Variants in CAMKMT observed in about 807,000 individuals in gnomAD.
CAMKMT encodes the protein CaM KMT.
In CAMKMT, 53 loss-of-function variants were observed where a neutral mutation model predicts 48.0. The ratio of observed to expected loss-of-function variants is 1.10; its 90% CI spans 0.89 to 1.39. The LOEUF (loss-of-function observed/expected upper bound fraction) is 1.39. CAMKMT is among the 40% of genes most tolerant of loss of function. The pLI is 0.00. For synonymous variants in CAMKMT, 165 were observed against 152.3 expected, an observed-to-expected ratio of 1.08 and a Z score of -0.61; for missense variants, 428 against 402.7, an observed-to-expected ratio of 1.06 and a Z score of -0.54.
In CAMKMT at chr2:44,386,509, T is replaced by G. The variant is rs549541612; in HGVS notation, c.312-3732T>G. Among the ~76,000 whole-genome samples the G allele has an allele frequency of 2.0e-5, 3 of 152,246 alleles. No homozygotes were observed. In the South Asian group the frequency reaches 6.2e-4, roughly 32 times the overall value. ...TGTATTTTGTTGTTGTTGTTTCAAT[T>G]TCATTTAGTTCTGCTCTGATCTTGG... On this transcript the variant is annotated intron_variant, in intron 2 of 10. Transcript: ENST00000378494.
intron 3 of CAMKMT, among the ~76,000 whole-genome samples, chr2:44,585,341 C>G (rs1009588050): frequency 2.0e-5 from 3 of 152,168 alleles, no homozygotes; most frequent in African/African-American, 7.2e-5. Context: ...ATTTAGGAAG[C>G]AATTCAGCTG....
intron 7 of CAMKMT, among the ~76,000 whole-genome samples, chr2:44,720,689 T>G (rs1240581242): frequency 6.6e-6 from 1 of 152,176 alleles, no homozygotes; most frequent in East Asian, 1.9e-4. Context: ...TTTGCAAGTG[T>G]GTCTACACAA....
chr2:44,660,427 G>A (rs1205134011), intron 3 of CAMKMT, among the ~76,000 whole-genome samples: 1 of 152,176 alleles, frequency 6.6e-6, no homozygotes, highest in African/African-American at 2.4e-5. Flanking sequence ...GATAGGCAAT[G>A]CATATTGCAA....
intron 3 of CAMKMT, among the ~76,000 whole-genome samples, chr2:44,574,165 A>G (rs1347123359): frequency 6.6e-6 from 1 of 152,238 alleles, no homozygotes; most frequent in Non-Finnish European, 1.5e-5. Context: ...TTAGACTTAT[A>G]TATCCCTAGA....
chr2:44,587,181 T>G (rs1669903898), intron 3 of CAMKMT, among the ~76,000 whole-genome samples: 1 of 152,208 alleles, frequency 6.6e-6, no homozygotes, highest in Admixed American at 6.5e-5. Flanking sequence ...ATACAAGTCC[T>G]TTAGCAGATT....
intron 3 of CAMKMT, chr2:44,631,356 C>G (rs189640767): frequency 3.4e-5 from 12 of 353,924 alleles, no homozygotes; most frequent in African/African-American, 1.5e-4. Context: ...ATGTAACTAA[C>G]CTGCACGTTG....
intron 3 of CAMKMT, among the ~76,000 whole-genome samples, chr2:44,458,631 C>T (rs80170991): frequency 0.052 from 7,980 of 152,206 alleles, 276 homozygotes; most frequent in South Asian, 0.13. Flanking sequence ...TATAATTATT[C>T]ATCTTGTAAG....
chr2:44,712,904 G>A (rs1041551880), intron 6 of CAMKMT, among the ~76,000 whole-genome samples: 1 of 152,044 alleles, frequency 6.6e-6, no homozygotes, highest in Non-Finnish European at 1.5e-5. Context: ...AGTAAGGGGT[G>A]GGGAGCAGGA....
chr2:44,420,935 A>G (rs1044789347), intron 3 of CAMKMT, among the ~76,000 whole-genome samples: 1 of 152,028 alleles, frequency 6.6e-6, no homozygotes, highest in Non-Finnish European at 1.5e-5. Context: ...TGTTCATCAC[A>G]GTAGTCAAGA....
At chr2:44,515,912 C>G (rs568302025) in intron 3 of CAMKMT, among the ~76,000 whole-genome samples, 1 of 152,264 alleles carries the variant, frequency 6.6e-6, no homozygotes, top group African/African-American at 2.4e-5. Flanking sequence ...GGGGAGAGCA[C>G]AAGCAGTTGC....
intron 3 of CAMKMT, among the ~76,000 whole-genome samples, chr2:44,701,296 G>A (rs13396532): frequency 7.9e-5 from 12 of 152,240 alleles, no homozygotes; most frequent in African/African-American, 1.9e-4. Context: ...CCCAACATTC[G>A]TTATAACCTG....
intron 3 of CAMKMT, among the ~76,000 whole-genome samples, chr2:44,664,796 G>C (rs1449918587): frequency 6.6e-6 from 1 of 152,098 alleles, no homozygotes; most frequent in Non-Finnish European, 1.5e-5. Context: ...TTTCTGAAAG[G>C]GTTTTAAAGG....
At chr2:44,430,444 A>G (rs1401650870) in intron 3 of CAMKMT, among the ~76,000 whole-genome samples, 6 of 151,496 alleles carry the variant, frequency 4.0e-5, no homozygotes, top group Non-Finnish European at 7.4e-5. Flanking sequence ...ATGCCTAAGA[A>G]TTTAGCTAAT....
At chr2:44,441,789 C>G (rs1666679377) in intron 3 of CAMKMT, among the ~76,000 whole-genome samples, 1 of 151,994 alleles carries the variant, frequency 6.6e-6, no homozygotes, top group South Asian at 2.1e-4. Flanking sequence ...ATCATTCTTG[C>G]CTTTTTAATA....
intron 3 of CAMKMT, among the ~76,000 whole-genome samples, chr2:44,520,707 C>T (rs1376790084): frequency 6.6e-6 from 1 of 152,054 alleles, no homozygotes; most frequent in Non-Finnish European, 1.5e-5. Flanking sequence ...GCTTTGTGTC[C>T]CCACTCAAAT....
chr2:44,734,493 C>T (rs1247927495), intron 7 of CAMKMT, among the ~76,000 whole-genome samples: 1 of 152,026 alleles, frequency 6.6e-6, no homozygotes, highest in Non-Finnish European at 1.5e-5. Flanking sequence ...CAGCTCACTG[C>T]AACCTCTGCC....
intron 3 of CAMKMT, among the ~76,000 whole-genome samples, chr2:44,683,949 A>G (rs116576924): frequency 0.015 from 2,261 of 152,232 alleles, 58 homozygotes; most frequent in African/African-American, 0.052. Context: ...TCATGTCACT[A>G]ATGGTATGAA....
intron 3 of CAMKMT, among the ~76,000 whole-genome samples, chr2:44,567,567 G>A (rs916437296): frequency 6.6e-6 from 1 of 152,196 alleles, no homozygotes; most frequent in African/African-American, 2.4e-5. Flanking sequence ...TCTGATGAAA[G>A]TAGGGTCCCA....
At chr2:44,451,952 TTATC>T (rs1380135701) in intron 3 of CAMKMT, among the ~76,000 whole-genome samples, 35 of 152,074 alleles carry the variant, frequency 2.3e-4, no homozygotes, top group African/African-American at 7.7e-4. Context: ...TTTCTTTTAC[TTATC>T]TAAGCATAAC....
Sources: allele counts gnomAD v4.1 joint callset (sites outside exome capture counted in the v4.1 genomes callset), GRCh38; gene constraint gnomAD v4.1.1; transcripts MANE v1.5; gene names NCBI Gene and HGNC (gene_info 2026-07-23, HGNC 2026-07-21).